ZNF480: variants seen among roughly 807,000 people sequenced by gnomAD.
The protein encoded by ZNF480 is zinc finger protein 480.
ZNF480 carries 15 observed loss-of-function variants against 14.4 expected under a neutral mutation model. That is an observed-to-expected ratio of 1.04 (90% CI 0.70 to 1.60). The LOEUF (loss-of-function observed/expected upper bound fraction) is 1.60. ZNF480 is among the 40% of genes most tolerant of loss of function. ZNF480 has a pLI of 0.00. For synonymous variants in ZNF480, 218 were observed against 215.5 expected, an observed-to-expected ratio of 1.01 and a Z score of -0.10; for missense variants, 593 against 629.7, an observed-to-expected ratio of 0.94 and a Z score of 0.62.
chr19:52,303,949 T>A (rs1982810301), intron 2 of ZNF480, among the ~76,000 whole-genome samples: 1 of 152,216 alleles, frequency 6.6e-6, no homozygotes, highest in Non-Finnish European at 1.5e-5. Context: ...TGTCAGGAGC[T>A]ATAATTAAAC....
At chr19:52,303,776 G>T (rs1982802257) in intron 2 of ZNF480, among the ~76,000 whole-genome samples, 1 of 152,170 alleles carries the variant, frequency 6.6e-6, no homozygotes. Flanking sequence ...CATGTCATAG[G>T]TAGGAATGCC....
chr19:52,312,377 G>A (rs1983328573), intron 2 of ZNF480, among the ~76,000 whole-genome samples: 2 of 151,952 alleles, frequency 1.3e-5, no homozygotes, highest in South Asian at 4.2e-4. Context: ...GGTCAGGCTG[G>A]TCTTGATCCC....
chr19:52,321,153 C>G (rs995786148), intron 4 of ZNF480, among the ~76,000 whole-genome samples: 2 of 151,944 alleles, frequency 1.3e-5, no homozygotes, highest in Non-Finnish European at 2.9e-5. Flanking sequence ...AAGACTTGGT[C>G]AGAGGGAGAT....
chr19:52,302,891 T>C (rs191550720), intron 2 of ZNF480, among the ~76,000 whole-genome samples: 34 of 152,238 alleles, frequency 2.2e-4, no homozygotes, highest in African/African-American at 7.5e-4. Flanking sequence ...CAGTAGCAAC[T>C]AGGCGATCAG....
chr19:52,322,185 A>G lies in ZNF480; in HGVS notation c.935A>G (p.Glu312Gly). 6.2e-7 allele frequency: 1 copy of G among 1,614,146 alleles called. No homozygotes were observed. ...LARHQRIHAE[E>G]KPYKCNECGK... ...CGACATCAAAGAATTCATGCTGAAG[A>G]GAAACCTTACAAATGTAATGAATGT... The change falls in exon 5 of 5, where the codon GAG (glutamate) becomes GGG (glycine). Residue 312 changes from glutamate to glycine, a missense_variant. Physicochemically the swap from Glu to Gly is moderately conservative, Grantham distance 98 (BLOSUM62 -2). Coordinates refer to ENST00000595962, the MANE Select transcript of ZNF480 (RefSeq NM_144684.4).
Position 52,321,735 on chromosome 19 carries a change from C to G in ZNF480, c.485C>G (p.Ser162Cys). ...NQVENFINHS[S>C]SVSCLQEMSS... ...GTTGAAAACTTTATCAACCACAGTT[C>G]CTCTGTTTCCTGTCTTCAAGAAATG... The change falls in exon 5 of 5, where the codon TCC becomes TGC. Residue 162 changes from serine to cysteine, a missense_variant. Ser to Cys is a moderately radical substitution (Grantham distance 112, BLOSUM62 -1). Transcript: ENST00000595962. The G allele has an allele frequency of 2.5e-6, 4 of 1,614,024 alleles. No homozygotes were observed. Among genetic ancestry groups the G allele is most frequent in the Non-Finnish European group, 3.4e-6 (4 of 1,179,954 alleles).
intron 4 of ZNF480, among the ~76,000 whole-genome samples, chr19:52,320,037 C>G (rs1212149939): frequency 6.6e-6 from 1 of 151,868 alleles, no homozygotes; most frequent in Non-Finnish European, 1.5e-5. Context: ...AGGCTGGTCT[C>G]AAACTCCTGA....
At chr19:52,301,683 AGTAACTCCAGCTACC>A (rs1271560974) in intron 2 of ZNF480, 1 of 152,198 alleles carries the variant, frequency 6.6e-6, no homozygotes, top group Non-Finnish European at 1.5e-5. Context: ...TGGAATGCAA[AGTAACTCCAGCTACC>A]GTGGCAGTAG....
rs139661910 is a variant in ZNF480, at chr19:52,321,687, G to A, written c.437G>A (p.Arg146Lys). Residue 146 changes from arginine to lysine, a missense_variant, in exon 5 of 5, where the codon AGG becomes AAG. By Grantham distance (26) the Arg-to-Lys change is conservative. Coordinates refer to ENST00000595962, the MANE Select transcript of ZNF480 (RefSeq NM_144684.4). ...LSELELFPDE[R>K]VINGCNQVEN... ...GAACTGGAGCTATTTCCAGATGAAA[G>A]GGTAATAAATGGATGTAATCAAGTT... The A allele has an allele frequency of 1.6e-4, 262 of 1,614,034 alleles. No homozygotes were observed. The highest frequency in any genetic ancestry group is 1.5e-3 in the Middle Eastern group (9 of 6,062).
At chr19:52,307,919 C>T (rs1983032018) in intron 2 of ZNF480, among the ~76,000 whole-genome samples, 1 of 152,210 alleles carries the variant, frequency 6.6e-6, no homozygotes, top group Admixed American at 6.5e-5. Context: ...ATCATGAGCA[C>T]ATTTCATTGC....
chr19:52,314,363 C>G, intron 3 of ZNF480, 84 bp downstream of exon 3: 2 of 1,283,734 alleles, frequency 1.6e-6, no homozygotes, highest in Non-Finnish European at 2.0e-6. Flanking sequence ...GGAGCCCCTG[C>G]ATTGTTTGAC....
intron 2 of ZNF480, among the ~76,000 whole-genome samples, chr19:52,309,628 G>T (rs996257402): frequency 1.3e-5 from 2 of 152,168 alleles, no homozygotes; most frequent in African/African-American, 4.8e-5. Context: ...GGAGTTTGTG[G>T]TATCCTCTGG....
Position 52,323,082 on chromosome 19 carries a change from A to G in ZNF480, c.*224A>G, listed in dbSNP as rs1220635476. On this transcript the variant is annotated 3_prime_UTR_variant, in exon 5 of 5. Coordinates refer to ENST00000595962, the MANE Select transcript of ZNF480 (RefSeq NM_144684.4). ...TTCAAAAAAATTTCACACCTTGCAA[A>G]AGGAGATCTAAAAAACACAATCAGA... The G allele has an allele frequency of 5.1e-6, 2 of 391,890 alleles. No homozygotes were observed. Among genetic ancestry groups the G allele is most frequent in the East Asian group, 7.6e-5 (2 of 26,182 alleles). The allele number at this position is 391,890 out of a possible 1,614,324, so 24.3% of individuals were successfully genotyped here.
At chr19:52,309,353 G>A (rs1835138804) in intron 2 of ZNF480, among the ~76,000 whole-genome samples, 1 of 152,156 alleles carries the variant, frequency 6.6e-6, no homozygotes, top group Admixed American at 6.6e-5. Flanking sequence ...AGGTTCTGCT[G>A]AGGAGTGTCC....
chr19:52,317,882 A>T (rs1983632873), intron 4 of ZNF480, among the ~76,000 whole-genome samples: 1 of 152,100 alleles, frequency 6.6e-6, no homozygotes, highest in African/African-American at 2.4e-5. Flanking sequence ...TTTTCTTGAC[A>T]AAACGTATTC....
At chr19:52,304,579 G>A (rs2122520968) in intron 2 of ZNF480, among the ~76,000 whole-genome samples, 1 of 152,096 alleles carries the variant, frequency 6.6e-6, no homozygotes, top group East Asian at 1.9e-4. Context: ...GCTTAACAAT[G>A]GCTGCCATGA....
At position 52,322,825 on chromosome 19, in the gene ZNF480, C is replaced by T. The variant is rs1339159016; in HGVS notation, c.1575C>T (p.Tyr525=). 4 of 1,601,530 alleles carry T rather than the reference C, an allele frequency of 2.5e-6. No individual in the cohort carries two copies. The highest frequency in any genetic ancestry group is 2.2e-5 in the East Asian group (1 of 44,730). The change falls in exon 5 of 5, where the codon TAC becomes TAT. Residue 525 remains tyrosine (Y), a synonymous_variant. Coordinates refer to ENST00000595962, the MANE Select transcript of ZNF480 (RefSeq NM_144684.4). Reference sequence around the variant, plus strand: ...GCAAGGCCTTTAGTCGCATTTCATACCTAGCACAACATTGGACAATTCATA... The same window carrying T: ...GCAAGGCCTTTAGTCGCATTTCATATCTAGCACAACATTGGACAATTCATA... ...ECGKAFSRIS[Y]LAQHWTIHMG
chr19:52,309,539 C>T (rs1457743231), intron 2 of ZNF480, among the ~76,000 whole-genome samples: 1 of 152,222 alleles, frequency 6.6e-6, no homozygotes, highest in African/African-American at 2.4e-5. Context: ...AAGACAGAAA[C>T]TTGTCCCTTA....
At chr19:52,316,052 G>A in intron 4 of ZNF480, 90 bp downstream of exon 4, 1 of 1,358,542 alleles carries the variant, frequency 7.4e-7, no homozygotes, top group Non-Finnish European at 9.7e-7. Flanking sequence ...TTTTATGTTT[G>A]TATTTTTGTT....
Sources: allele counts gnomAD v4.1 joint callset (sites outside exome capture counted in the v4.1 genomes callset), GRCh38; gene constraint gnomAD v4.1.1; transcripts MANE v1.5; gene names NCBI Gene and HGNC (gene_info 2026-07-23, HGNC 2026-07-21).